The following PRTFDC1 variants were observed in gnomAD, a reference collection of about 807,000 sequenced individuals.
The protein encoded by PRTFDC1 is phosphoribosyl transferase domain containing 1, also known as phosphoribosyltransferase domain-containing protein 1.
PRTFDC1 carries 38 observed loss-of-function variants against 34.6 expected under a neutral mutation model. The observed-to-expected ratio is 1.10, with a 90% confidence interval of 0.85 to 1.44. PRTFDC1 has a LOEUF of 1.44. Ranked by LOEUF, PRTFDC1 falls within the 40% of genes most tolerant of loss-of-function variation. The pLI is 0.00. For missense variants in PRTFDC1, 270 were observed against 283.0 expected, an observed-to-expected ratio of 0.95 and a Z score of 0.33; for synonymous variants, 93 against 98.1, an observed-to-expected ratio of 0.95 and a Z score of 0.31.
intron 4 of PRTFDC1, among the ~76,000 whole-genome samples, chr10:24,870,019 G>A (rs1012339828): frequency 1.3e-5 from 2 of 152,174 alleles, no homozygotes; most frequent in African/African-American, 4.8e-5. Flanking sequence ...TCCTGGTTGG[G>A]GAGACAGGCA....
At chr10:24,899,813 G>A (rs61854300) in intron 3 of PRTFDC1, among the ~76,000 whole-genome samples, 17,697 of 152,196 alleles carry the variant, frequency 0.12, 1,258 homozygotes, top group East Asian at 0.29. Flanking sequence ...CTCTAATTCA[G>A]TTAGAGAACA....
intron 1 of PRTFDC1, among the ~76,000 whole-genome samples, chr10:24,943,614 G>A (rs193024685): frequency 2.5e-4 from 37 of 149,318 alleles, no homozygotes; most frequent in Admixed American, 1.7e-3. Flanking sequence ...GCAGTGGTGC[G>A]ATCTCTGCTC....
chr10:24,851,568 A>C, intron 7 of PRTFDC1, 104 bp from the exon 8 acceptor site: 1 of 1,502,692 alleles, frequency 6.7e-7, no homozygotes, highest in South Asian at 1.3e-5. Context: ...AGGACCTTTC[A>C]TTGAGGCAGG....
At chr10:24,890,915 A>G (rs1364361390) in intron 3 of PRTFDC1, among the ~76,000 whole-genome samples, 1 of 152,226 alleles carries the variant, frequency 6.6e-6, no homozygotes, top group East Asian at 1.9e-4. Context: ...GAGAACCAGG[A>G]AAAGCAGGAA....
At chr10:24,928,660 C>A (rs1425642168) in intron 3 of PRTFDC1, among the ~76,000 whole-genome samples, 1 of 151,958 alleles carries the variant, frequency 6.6e-6, no homozygotes, top group Admixed American at 6.5e-5. Context: ...GCCAGGCTGG[C>A]CTGGAACTCC....
At chr10:24,951,728 G>A (rs1056688512) in intron 1 of PRTFDC1, 10 of 483,864 alleles carry the variant, frequency 2.1e-5, no homozygotes, top group Non-Finnish European at 2.7e-5. Flanking sequence ...GGAGCAGGGA[G>A]GACGTGGCCA....
At chr10:24,925,729 G>C (rs1367178241) in intron 3 of PRTFDC1, among the ~76,000 whole-genome samples, 1 of 152,150 alleles carries the variant, frequency 6.6e-6, no homozygotes, top group African/African-American at 2.4e-5. Context: ...ACCCTTCCTA[G>C]TTTCCAGCTT....
chr10:24,861,999 C>T (rs1318515370), intron 4 of PRTFDC1, among the ~76,000 whole-genome samples: 2 of 151,818 alleles, frequency 1.3e-5, no homozygotes, highest in East Asian at 1.9e-4. Context: ...ATATACCTGT[C>T]AAAGAAAGTT....
At chr10:24,872,660 G>A (rs1847890777) in intron 3 of PRTFDC1, among the ~76,000 whole-genome samples, 1 of 150,534 alleles carries the variant, frequency 6.6e-6, no homozygotes, top group Non-Finnish European at 1.5e-5. Flanking sequence ...CTAAGAATAT[G>A]ACACTCAGAA....
chr10:24,858,342 C>T, intron 5 of PRTFDC1, 50 bp downstream of exon 5: 1 of 1,585,042 alleles, frequency 6.3e-7, no homozygotes, highest in Non-Finnish European at 8.7e-7. Flanking sequence ...TTAAAACTCA[C>T]CATTAGATTC....
Position 24,900,609 on chromosome 10 carries a change from C to T in PRTFDC1, c.340-28546G>A, listed in dbSNP as rs1848433100. 3.3e-5 allele frequency among the ~76,000 whole-genome samples: 5 copies of T among 152,166 alleles called. 1 individual carries two copies. The highest frequency in any genetic ancestry group is 3.3e-4 in the Admixed American group (5 of 15,264). ...TGAAAAATATGATCTTTTTGATATA[C>T]AGCTCTTTATTCTTTTAAATATTCT... On this transcript the variant is annotated intron_variant, in intron 3 of 8. Transcript: ENST00000320152.
intron 1 of PRTFDC1, among the ~76,000 whole-genome samples, chr10:24,944,745 T>G (rs559287772): frequency 6.6e-6 from 1 of 152,302 alleles, no homozygotes; most frequent in Admixed American, 6.5e-5. Flanking sequence ...ACTGTGCCAC[T>G]GCACTTCGGC....
At chr10:24,943,561 CT>C (rs1849204779) in intron 1 of PRTFDC1, among the ~76,000 whole-genome samples, 1 of 104,390 alleles carries the variant, frequency 9.6e-6, no homozygotes. Flanking sequence ...TTTTTTTTTT[CT>C]CTCTCTGAGA....
chr10:24,864,862 T>C (rs1334230694), intron 4 of PRTFDC1, among the ~76,000 whole-genome samples: 1 of 152,120 alleles, frequency 6.6e-6, no homozygotes, highest in African/African-American at 2.4e-5. Flanking sequence ...ACACCTGTAA[T>C]CCCAGCACTT....
chr10:24,884,950 A>G (rs1848140465), intron 3 of PRTFDC1, among the ~76,000 whole-genome samples: 1 of 152,170 alleles, frequency 6.6e-6, no homozygotes, highest in Non-Finnish European at 1.5e-5. Context: ...AGCTTCCTGG[A>G]TCAGTCCCAT....
chr10:24,919,967 GA>G (rs1163191051), intron 3 of PRTFDC1, among the ~76,000 whole-genome samples: 1 of 152,048 alleles, frequency 6.6e-6, no homozygotes, highest in Non-Finnish European at 1.5e-5. Context: ...AAAAAGTCAA[GA>G]AACGATAGAT....
chr10:24,906,022 C>G (rs528167367), intron 3 of PRTFDC1, among the ~76,000 whole-genome samples: 1 of 152,238 alleles, frequency 6.6e-6, no homozygotes, highest in Non-Finnish European at 1.5e-5. Flanking sequence ...CTGTGCCTGG[C>G]TTGTTTCACT....
intron 3 of PRTFDC1, among the ~76,000 whole-genome samples, chr10:24,920,937 G>A (rs772091804): frequency 1.3e-5 from 2 of 152,022 alleles, no homozygotes; most frequent in Non-Finnish European, 2.9e-5. Flanking sequence ...CAGGAACACT[G>A]CCTCAAAGCA....
chr10:24,942,670 CAG>C (rs1359505722), intron 1 of PRTFDC1, among the ~76,000 whole-genome samples: 9 of 152,150 alleles, frequency 5.9e-5, no homozygotes, highest in Non-Finnish European at 2.9e-5. Flanking sequence ...GACTTTGAGA[CAG>C]AGTCTTTCTC....
Sources: allele counts gnomAD v4.1 joint callset (sites outside exome capture counted in the v4.1 genomes callset), GRCh38; gene constraint gnomAD v4.1.1; transcripts MANE v1.5; gene names NCBI Gene and HGNC (gene_info 2026-07-23, HGNC 2026-07-21).